The following TCF25 variants were observed in gnomAD, a reference collection of about 807,000 sequenced individuals.
TCF25 encodes TCF25 ribosome quality control complex subunit.
Under a neutral mutation model 83.1 loss-of-function variants are expected in TCF25, and 41 were observed. The ratio of observed to expected loss-of-function variants is 0.49; its 90% CI spans 0.38 to 0.64. The LOEUF (loss-of-function observed/expected upper bound fraction) is 0.64, where lower values mean the gene tolerates loss of function less well. TCF25 is among the 30% of genes least tolerant of loss of function. The pLI, the probability that TCF25 is intolerant of heterozygous loss-of-function variation, is 0.00. For missense variants in TCF25, 979 were observed against 914.5 expected, an observed-to-expected ratio of 1.07 and a Z score of -0.91; for synonymous variants, 458 against 365.0, an observed-to-expected ratio of 1.25 and a Z score of -2.90.
At chr16:89,899,115 A>G (rs984206609) in intron 11 of TCF25, among the ~76,000 whole-genome samples, 3 of 152,184 alleles carry the variant, frequency 2.0e-5, no homozygotes, top group Admixed American at 2.0e-4. Flanking sequence ...ACACATGCTC[A>G]AACGTGTGTA....
At chr16:89,895,263 C>A in intron 8 of TCF25, 126 bp downstream of exon 8, 1 of 813,678 alleles carries the variant, frequency 1.2e-6, no homozygotes, top group Non-Finnish European at 1.9e-6. Context: ...GAGATACAAC[C>A]TACGTAGCAC....
Position 89,892,209 on chromosome 16 carries a change from C to A in TCF25, c.631C>A (p.Arg211Ser). 1 of 1,611,852 alleles carries A rather than the reference C, an allele frequency of 6.2e-7. No individual in the cohort carries two copies. Among genetic ancestry groups the A allele is most frequent in the African/African-American group, 1.3e-5 (1 of 74,926 alleles). The change falls in exon 6 of 18, where the codon CGT becomes AGT. Residue 211 changes from arginine (R) to serine (S), a missense_variant. Physicochemically the swap from Arg to Ser is moderately radical, Grantham distance 110. Transcript: ENST00000263346. ...LGEQRPRQRQ[R>S]VYPKCTWLTT... ...TCTCCCCAGGCCACGGCAGAGACAA[C>A]GTGTGTACCCCAAGTGCACATGGCT...
chr16:89,905,732 C>T (rs927516052), intron 14 of TCF25, among the ~76,000 whole-genome samples: 1 of 152,330 alleles, frequency 6.6e-6, no homozygotes, highest in African/African-American at 2.4e-5. Context: ...GTCATGGGCC[C>T]GTCCGCGTGT....
At position 89,902,689 on chromosome 16, in the gene TCF25, A is replaced by T. The variant is rs569081912; in HGVS notation, c.1382-1429A>T. 1.4e-4 allele frequency among the ~76,000 whole-genome samples: 18 copies of T among 131,996 alleles called. 2 individuals carry two copies. The highest frequency in any genetic ancestry group is 4.7e-4 in the South Asian group (2 of 4,292). The allele number at this position is 131,996 out of a possible 152,430, so 86.6% of individuals were successfully genotyped here. Reference sequence around the variant, plus strand: ...GGGCAACATAGCGAGACTCCGTCTCAAAAAAAAAGAAAAAAAAAAAAAGAC... The same window carrying T: ...GGGCAACATAGCGAGACTCCGTCTCTAAAAAAAAGAAAAAAAAAAAAAGAC... On this transcript the variant is annotated intron_variant, in intron 12 of 17. Transcript: ENST00000263346.
intron 2 of TCF25, among the ~76,000 whole-genome samples, 175 bp from the exon 3 acceptor site, chr16:89,884,407 G>A (rs1394703249): frequency 2.6e-5 from 4 of 152,126 alleles, no homozygotes; most frequent in South Asian, 2.1e-4. Context: ...CGAGGGGCTC[G>A]GAGAGGTGGG....
intron 1 of TCF25, among the ~76,000 whole-genome samples, chr16:89,877,021 G>A (rs896202459): frequency 2.0e-5 from 3 of 151,080 alleles, no homozygotes; most frequent in Middle Eastern, 3.4e-3. Flanking sequence ...AGAATTGCTT[G>A]AACCCAGGAG....
rs745368988 is a variant in TCF25 at position 89,907,253 on chromosome 16, C to T, written c.1730C>T (p.Thr577Met). 1.2e-5 allele frequency: 19 copies of T among 1,612,776 alleles called. No individual in the cohort carries two copies. Among genetic ancestry groups the T allele is most frequent in the African/African-American group, 2.7e-5 (2 of 74,778 alleles). The change falls in exon 16 of 18, where the codon ACG becomes ATG. Residue 577 changes from threonine to methionine, a missense_variant. Physicochemically the swap from Thr to Met is moderately conservative, Grantham distance 81. Coordinates refer to ENST00000263346, the MANE Select transcript of TCF25 (RefSeq NM_014972.3). Reference protein sequence around the residue: ...AVAALPPDVTTQSVMGFDPLP... With the variant: ...AVAALPPDVTMQSVMGFDPLP... ...TGTCCCTTTCTGAAGGACGTGACCA[C>T]GCAGTCTGTGATGGGGTTTGATCCT...
chr16:89,900,067 C>T (rs891108717), intron 11 of TCF25, among the ~76,000 whole-genome samples: 1 of 152,174 alleles, frequency 6.6e-6, no homozygotes, highest in African/African-American at 2.4e-5. Context: ...CAAAATGGGG[C>T]TGCAGAAGAA....
chr16:89,883,331 T>A lies in TCF25; in HGVS notation c.193-20T>A, dbSNP rs764462376. ...ACACTGTAAGTAACGCCCTGGCTCTTCTCCAACCTGTTTTTCCAGATAAAC... is the reference window on the plus strand; with the variant it reads ...ACACTGTAAGTAACGCCCTGGCTCTACTCCAACCTGTTTTTCCAGATAAAC... On this transcript the variant is annotated intron_variant, in intron 1 of 17. Transcript: ENST00000263346. 6.2e-7 allele frequency: 1 copy of A among 1,611,866 alleles called. No homozygotes were observed. The highest frequency in any genetic ancestry group is 1.1e-5 in the South Asian group (1 of 91,020).
intron 8 of TCF25, among the ~76,000 whole-genome samples, chr16:89,895,502 C>A (rs1031496181): frequency 6.6e-6 from 1 of 152,138 alleles, no homozygotes; most frequent in African/African-American, 2.4e-5. Context: ...CACCACGCCC[C>A]GCCCTCTGGC....
At position 89,873,627 on chromosome 16, in the gene TCF25, T is replaced by C. The variant is rs989242855; in HGVS notation, c.-41T>C. 6.9e-7 allele frequency: 1 copy of C among 1,451,754 alleles called. No homozygotes were observed. Among genetic ancestry groups the C allele is most frequent in the Non-Finnish European group, 9.1e-7 (1 of 1,102,340 alleles). 89.9% of individuals were successfully genotyped at this position (1,451,754 alleles called of 1,614,324 possible). A position where few individuals can be genotyped will look rare whatever the true frequency, so the allele number is the denominator to read the frequency against. ...GCGCCGACAGCCGAGTTTTCTGCGCTTCCTTCTCCCTCTCTCCAGACGTCG... is the reference window on the plus strand; with the variant it reads ...GCGCCGACAGCCGAGTTTTCTGCGCCTCCTTCTCCCTCTCTCCAGACGTCG... On this transcript the variant is annotated 5_prime_UTR_variant, in exon 1 of 18. Coordinates refer to ENST00000263346, the MANE Select transcript of TCF25 (RefSeq NM_014972.3).
At chr16:89,887,742 C>A in intron 5 of TCF25, 25 bp downstream of exon 5, 2 of 1,535,278 alleles carry the variant, frequency 1.3e-6, no homozygotes, top group South Asian at 1.3e-5. Flanking sequence ...GAGCTGCATT[C>A]TCACAGCTGC....
At chr16:89,883,012 A>AAT (rs2042723291) in intron 1 of TCF25, among the ~76,000 whole-genome samples, 1 of 152,296 alleles carries the variant, frequency 6.6e-6, no homozygotes, top group South Asian at 2.1e-4. Flanking sequence ...GCATTGGCTG[A>AAT]ATATATATAT....
intron 1 of TCF25, chr16:89,874,472 C>T (rs968237309): frequency 3.3e-5 from 5 of 152,900 alleles, no homozygotes; most frequent in African/African-American, 1.2e-4. Flanking sequence ...ACTTGCCAGG[C>T]CTCTGCGAGC....
chr16:89,899,024 C>T, intron 11 of TCF25, 152 bp downstream of exon 11: 1 of 753,958 alleles, frequency 1.3e-6, no homozygotes, highest in Non-Finnish European at 2.2e-6. Flanking sequence ...TTGTTTGTCT[C>T]CCTTGCCGCC....
At chr16:89,893,396 C>T (rs974649658) in intron 6 of TCF25, among the ~76,000 whole-genome samples, 2 of 152,216 alleles carry the variant, frequency 1.3e-5, no homozygotes, top group Admixed American at 6.5e-5. Flanking sequence ...CAGTGCTCGG[C>T]GTGGTCAGAT....
chr16:89,874,010 G>A, intron 1 of TCF25, 151 bp downstream of exon 1: 1 of 1,018,214 alleles, frequency 9.8e-7, no homozygotes, highest in Non-Finnish European at 1.3e-6. Context: ...GCGGGGCCGT[G>A]CGTCGGGGCC....
At chr16:89,896,576 C>A (rs1399396602) in intron 9 of TCF25, among the ~76,000 whole-genome samples, 1 of 129,696 alleles carries the variant, frequency 7.7e-6, no homozygotes, top group Admixed American at 8.4e-5. Flanking sequence ...TTTTTTGAGA[C>A]GGAGTCTCAC....
chr16:89,906,379 C>T (rs945347386), intron 15 of TCF25, 95 bp downstream of exon 15: 29 of 1,259,862 alleles, frequency 2.3e-5, no homozygotes, highest in South Asian at 8.9e-5. Flanking sequence ...GTGCGTGGTG[C>T]GGGCTCCCTC....
Sources: allele counts gnomAD v4.1 joint callset (sites outside exome capture counted in the v4.1 genomes callset), GRCh38; gene constraint gnomAD v4.1.1; transcripts MANE v1.5; gene names NCBI Gene and HGNC (gene_info 2026-07-23, HGNC 2026-07-21).